The following ZNF430 variants were observed in gnomAD, a reference collection of about 807,000 sequenced individuals.
ZNF430 encodes zinc finger protein 430.
In ZNF430, 35 loss-of-function variants were observed where a neutral mutation model predicts 56.7. The observed-to-expected ratio is 0.62, with a 90% CI of 0.47 to 0.82. The LOEUF (loss-of-function observed/expected upper bound fraction) is 0.82. ZNF430 is among the 40% of genes least tolerant of loss of function. The pLI, the probability that ZNF430 is intolerant of heterozygous loss-of-function variation, is 0.00. For missense variants in ZNF430, 574 were observed against 661.0 expected, an observed-to-expected ratio of 0.87 and a Z score of 1.44; for synonymous variants, 212 against 224.3, an observed-to-expected ratio of 0.94 and a Z score of 0.49.
chr19:21,039,657 G>A (rs747553423), intron 4 of ZNF430, among the ~76,000 whole-genome samples: 2 of 151,768 alleles, frequency 1.3e-5, no homozygotes, highest in Non-Finnish European at 2.9e-5. Context: ...GTAGAGACAG[G>A]TTTTCACTAT....
intron 2 of ZNF430, among the ~76,000 whole-genome samples, chr19:21,023,798 T>C (rs896783653): frequency 6.6e-6 from 1 of 152,238 alleles, no homozygotes; most frequent in African/African-American, 2.4e-5. Context: ...CTGAGTTTCA[T>C]GCTAAATTTT....
At chr19:21,042,902 T>TTTTG (rs1221152965) in intron 4 of ZNF430, among the ~76,000 whole-genome samples, 1 of 152,238 alleles carries the variant, frequency 6.6e-6, no homozygotes, top group East Asian at 1.9e-4. Context: ...GCTTTGTTTG[T>TTTTG]TTCTTGGCCA....
chr19:21,034,328 C>T (rs1417210931), intron 4 of ZNF430, 144 bp downstream of exon 4: 12 of 588,654 alleles, frequency 2.0e-5, no homozygotes, highest in Non-Finnish European at 3.2e-5. Context: ...ATTTTGCCCT[C>T]GCATAGGGTC....
rs560986448 is a variant in ZNF430 at position 21,052,829 on chromosome 19, AC to A, written c.323-3800del. Among the ~76,000 whole-genome samples, 29 of 152,266 alleles carry A rather than the reference AC, an allele frequency of 1.9e-4. No individual in the cohort carries two copies. In the South Asian group the frequency reaches 5.6e-3, roughly 29 times the overall value. On this transcript the variant is annotated intron_variant, in intron 4 of 4. Transcript: ENST00000261560. Reference sequence around the variant, plus strand: ...CCAAACCCAAAGAATGGACTCAGGGACCTGGAGAACAGCGAAAGTGAGACTT... The same window carrying A: ...CCAAACCCAAAGAATGGACTCAGGGACTGGAGAACAGCGAAAGTGAGACTT...
At chr19:21,040,650 A>G (rs866012165) in intron 4 of ZNF430, among the ~76,000 whole-genome samples, 2 of 152,166 alleles carry the variant, frequency 1.3e-5, no homozygotes, top group African/African-American at 4.8e-5. Flanking sequence ...TTATTTGTCT[A>G]TATGCAAAAT....
chr19:21,033,625 G>T (rs750268691), intron 3 of ZNF430, 43 bp downstream of exon 3: 5 of 1,505,062 alleles, frequency 3.3e-6, no homozygotes, highest in Admixed American at 2.4e-5. Flanking sequence ...TACCCTAAAG[G>T]TTTCATTTCT....
chr19:21,039,757 C>T (rs949442602), intron 4 of ZNF430, among the ~76,000 whole-genome samples: 2 of 152,108 alleles, frequency 1.3e-5, no homozygotes, highest in African/African-American at 4.8e-5. Context: ...TGAGCCACCG[C>T]ACCCGGCCTA....
intron 4 of ZNF430, among the ~76,000 whole-genome samples, chr19:21,053,236 C>G (rs376031042): frequency 6.6e-6 from 1 of 151,750 alleles, no homozygotes; most frequent in East Asian, 1.9e-4. Flanking sequence ...CGCCTGGCTA[C>G]TGGGTAAAAG....
intron 4 of ZNF430, among the ~76,000 whole-genome samples, chr19:21,040,857 A>T (rs1233316651): frequency 6.6e-6 from 1 of 152,142 alleles, no homozygotes; most frequent in African/African-American, 2.4e-5. Flanking sequence ...ACATAAATAG[A>T]TAGATATGAT....
chr19:21,034,217 A>G (rs1967953669), intron 4 of ZNF430, 33 bp downstream of exon 4: 20 of 1,384,254 alleles, frequency 1.4e-5, no homozygotes, highest in Non-Finnish European at 1.7e-5. Flanking sequence ...GACGACATGA[A>G]TGAGAGGTCC....
At position 21,057,781 on chromosome 19, in the gene ZNF430, C is replaced by G; in HGVS notation, c.1473C>G (p.Gly491=). 1 of 1,613,862 alleles carries G rather than the reference C, an allele frequency of 6.2e-7. No individual in the cohort carries two copies. Among genetic ancestry groups the G allele is most frequent in the Non-Finnish European group, 8.5e-7 (1 of 1,180,000 alleles). Residue 491 remains glycine, a synonymous_variant, in exon 5 of 5, where the codon GGC becomes GGG. Coordinates refer to ENST00000261560, the MANE Select transcript of ZNF430 (RefSeq NM_025189.4). ...GEKPYKCEEC[G]KAFNQFSNLT... ...AACCCTACAAATGTGAAGAATGTGG[C>G]AAAGCTTTTAACCAATTCTCAAACC...
rs2164987 is a variant in ZNF430 at position 21,042,782 on chromosome 19, A to C, written c.322+8598A>C. ...TAGCCTGGGCAAAGAGTGAGACTCC[A>C]TCTAAAAAAAAAAAAAAATTTAGAA... On this transcript the variant is annotated intron_variant, in intron 4 of 4. Coordinates refer to ENST00000261560, the MANE Select transcript of ZNF430 (RefSeq NM_025189.4). 1.8e-3 allele frequency among the ~76,000 whole-genome samples: 271 copies of C among 151,294 alleles called. 1 individual carries two copies. The highest frequency in any genetic ancestry group is 6.0e-3 in the African/African-American group (248 of 41,152).
intron 2 of ZNF430, among the ~76,000 whole-genome samples, chr19:21,032,405 C>T (rs775778635): frequency 3.3e-5 from 5 of 152,022 alleles, no homozygotes; most frequent in South Asian, 2.1e-4. Flanking sequence ...GCAGTGATGC[C>T]GTGTTCTTCT....
At chr19:21,047,518 G>A (rs1968202524) in intron 4 of ZNF430, among the ~76,000 whole-genome samples, 1 of 152,172 alleles carries the variant, frequency 6.6e-6, no homozygotes, top group Non-Finnish European at 1.5e-5. Flanking sequence ...TGGGATGCTT[G>A]TGAGGATTTT....
chr19:21,022,807 G>A lies in ZNF430; in HGVS notation c.22G>A (p.Val8Met), dbSNP rs1568581972. Residue 8 changes from valine (V) to methionine (M), a missense_variant, in exon 2 of 5, where the codon GTG becomes ATG. Transcript: ENST00000261560. MENLKSGVYPLKEASGCP... is the reference protein window; with the variant it reads MENLKSGMYPLKEASGCP... ...CCCATAGGAGAACCTGAAGTCTGGAGTGTATCCTCTCAAGGAAGCAAGTGG... is the reference window on the plus strand; with the variant it reads ...CCCATAGGAGAACCTGAAGTCTGGAATGTATCCTCTCAAGGAAGCAAGTGG... The A allele has an allele frequency of 6.2e-7, 1 of 1,613,482 alleles. No homozygotes were observed. The highest frequency in any genetic ancestry group is 8.5e-7 in the Non-Finnish European group (1 of 1,179,438).
chr19:21,058,044 C>T lies in ZNF430; in HGVS notation c.*23C>T. On this transcript the variant is annotated 3_prime_UTR_variant, in exon 5 of 5. Coordinates refer to ENST00000261560, the MANE Select transcript of ZNF430 (RefSeq NM_025189.4). ...TGAAGATTGTGGCAAAGCCTCTAAC[C>T]CGTCCTGAATTCTTACTAAACATAA... is the stretch of plus-strand genomic sequence containing the variant. 1 of 1,596,950 alleles carries T rather than the reference C, an allele frequency of 6.3e-7. No individual in the cohort carries two copies. The highest frequency in any genetic ancestry group is 8.5e-7 in the Non-Finnish European group (1 of 1,171,770).
Position 21,058,283 on chromosome 19 carries a change from A to G in ZNF430, c.*262A>G. ...AACATGGTGAAATCCTGTCTCTACT[A>G]AAAATACAAAATTAGCCATGCGTAG... On this transcript the variant is annotated 3_prime_UTR_variant, in exon 5 of 5. Coordinates refer to ENST00000261560, the MANE Select transcript of ZNF430 (RefSeq NM_025189.4). 2.5e-6 allele frequency: 1 copy of G among 402,716 alleles called. No individual in the cohort carries two copies. The highest frequency in any genetic ancestry group is 4.5e-6 in the Non-Finnish European group (1 of 222,704). 24.9% of individuals were successfully genotyped at this position (402,716 alleles called of 1,614,324 possible).
chr19:21,038,466 C>T (rs977337156), intron 4 of ZNF430, among the ~76,000 whole-genome samples: 2 of 152,052 alleles, frequency 1.3e-5, no homozygotes, highest in African/African-American at 2.4e-5. Flanking sequence ...CTGGCTCTGT[C>T]GCCCAGGCTG....
intron 2 of ZNF430, 113 bp from the exon 3 acceptor site, chr19:21,033,343 G>C (rs988355367): frequency 2.5e-5 from 35 of 1,386,630 alleles, no homozygotes; most frequent in Middle Eastern, 3.8e-4. Flanking sequence ...AGTCATTCCT[G>C]CAAATCAGAA....
Sources: allele counts gnomAD v4.1 joint callset (sites outside exome capture counted in the v4.1 genomes callset), GRCh38; gene constraint gnomAD v4.1.1; transcripts MANE v1.5; gene names NCBI Gene and HGNC (gene_info 2026-07-23, HGNC 2026-07-21).